CSMD1: variants seen among roughly 807,000 people sequenced by gnomAD.
The protein encoded by CSMD1 is CUB and Sushi multiple domains 1.
In CSMD1, 213 loss-of-function variants were observed where a neutral mutation model predicts 417.5. That is an observed-to-expected ratio of 0.51 (90% CI 0.46 to 0.57). The LOEUF is 0.57. Among genes scored for constraint, CSMD1 ranks in the 20% least tolerant of loss-of-function variants. The pLI is 0.00. For synonymous variants in CSMD1, 2,862 were observed against 1,736.8 expected (o/e 1.65, Z -16.11); for missense variants, 6,923 against 4,529.7 (o/e 1.53, Z -15.17).
At position 4,266,811 on chromosome 8, in the gene CSMD1, T is replaced by C. The variant is rs1274798073; in HGVS notation, c.415+153142A>G. 1.9e-5 allele frequency among the ~76,000 whole-genome samples: 2 copies of C among 104,254 alleles called. 1 individual carries two copies. The highest frequency in any genetic ancestry group is 1.8e-4 in the Admixed American group (2 of 10,974). 68.4% of individuals were successfully genotyped at this position (104,254 alleles called of 152,430 possible). A position where few individuals can be genotyped will look rare whatever the true frequency, so the allele number is the denominator to read the frequency against. ...TCTAGATGAAAACTTAAATAGTGGA[T>C]TGTGATGACTTTTCATTTACTGCAA... is the stretch of plus-strand genomic sequence containing the variant. On this transcript the variant is annotated intron_variant, in intron 3 of 69. Transcript: ENST00000635120.
chr8:4,022,850 A>G (rs1161681848), intron 4 of CSMD1, among the ~76,000 whole-genome samples: 2 of 152,254 alleles, frequency 1.3e-5, no homozygotes, highest in African/African-American at 4.8e-5. Context: ...AAGAGAGTTC[A>G]TTCGGAGCAA....
chr8:3,037,202 A>ACTTT (rs1554495471), intron 50 of CSMD1, among the ~76,000 whole-genome samples: 2 of 139,498 alleles, frequency 1.4e-5, no homozygotes, highest in Non-Finnish European at 3.3e-5. Context: ...TATATACCAC[A>ACTTT]CTTTCTTTTT....
chr8:3,765,421 C>G (rs1240421851), intron 5 of CSMD1, among the ~76,000 whole-genome samples: 1 of 152,172 alleles, frequency 6.6e-6, no homozygotes, highest in Non-Finnish European at 1.5e-5. Context: ...TCATAGGCTT[C>G]CCTGGAAGTT....
rs796514026 is a variant in CSMD1 at position 4,363,545 on chromosome 8, C to T, written c.415+56408G>A. ...AAGAAAGAAGAGCAATAACTCCCTCCCTACTACAGATTGTAGGAAACAGGA... is the reference window on the plus strand; with the variant it reads ...AAGAAAGAAGAGCAATAACTCCCTCTCTACTACAGATTGTAGGAAACAGGA... On this transcript the variant is annotated intron_variant, in intron 3 of 69. Coordinates refer to ENST00000635120, the MANE Select transcript of CSMD1 (RefSeq NM_033225.6). Among the ~76,000 whole-genome samples the T allele has an allele frequency of 2.6e-5, 4 of 152,260 alleles. No individual in the cohort carries two copies. In the South Asian group the frequency reaches 6.2e-4, roughly 24 times the overall value.
At chr8:4,692,721 T>C (rs190606589) in intron 1 of CSMD1, among the ~76,000 whole-genome samples, 1 of 152,314 alleles carries the variant, frequency 6.6e-6, no homozygotes, top group Admixed American at 6.5e-5. Flanking sequence ...AACCCCCCGA[T>C]AACGTGCAAA....
At chr8:4,806,284 C>G (rs61342521) in intron 1 of CSMD1, among the ~76,000 whole-genome samples, 2 of 152,238 alleles carry the variant, frequency 1.3e-5, no homozygotes, top group African/African-American at 4.8e-5. Context: ...TGACCCAAGT[C>G]CCGCTACACC....
Position 3,976,864 on chromosome 8 carries a change from G to A in CSMD1, c.818+21039C>T, listed in dbSNP as rs117180459. 1.8e-3 allele frequency among the ~76,000 whole-genome samples: 280 copies of A among 152,246 alleles called. 4 individuals carry two copies. The East Asian group carries it at 0.038, about 21-fold the overall frequency. ...CTGACCTCAACCACTGCACTGACCA[G>A]CACTAGCACTGAGATGTGTACCTTG... is the stretch of plus-strand genomic sequence containing the variant. On this transcript the variant is annotated intron_variant, in intron 5 of 69. Transcript: ENST00000635120.
chr8:4,488,614 C>T (rs181700051), intron 2 of CSMD1, among the ~76,000 whole-genome samples: 78 of 151,992 alleles, frequency 5.1e-4, no homozygotes, highest in African/African-American at 1.8e-3. Context: ...TTTAACACAT[C>T]CAATCTATAG....
At chr8:4,047,907 G>T (rs1407495856) in intron 3 of CSMD1, among the ~76,000 whole-genome samples, 1 of 152,082 alleles carries the variant, frequency 6.6e-6, no homozygotes, top group African/African-American at 2.4e-5. Flanking sequence ...TTGATTTTAT[G>T]TAGTATTATA....
intron 2 of CSMD1, among the ~76,000 whole-genome samples, chr8:4,510,518 A>C (rs1410740409): frequency 6.6e-6 from 1 of 150,914 alleles, no homozygotes; most frequent in African/African-American, 2.4e-5. Flanking sequence ...TCATGAACTT[A>C]GGTGAGTCTC....
intron 3 of CSMD1, among the ~76,000 whole-genome samples, chr8:4,131,397 C>T (rs1486883620): frequency 6.6e-6 from 1 of 152,112 alleles, no homozygotes; most frequent in African/African-American, 2.4e-5. Context: ...CTTAAGCCTT[C>T]CTTGAGCTAT....
intron 49 of CSMD1, among the ~76,000 whole-genome samples, chr8:3,070,043 G>C (rs997099940): frequency 1.3e-5 from 2 of 152,232 alleles, no homozygotes; most frequent in Non-Finnish European, 2.9e-5. Flanking sequence ...GTGATTCAAA[G>C]ATGGAGCCAG....
intron 3 of CSMD1, among the ~76,000 whole-genome samples, chr8:4,070,237 C>G (rs1042068384): frequency 6.6e-6 from 1 of 152,000 alleles, no homozygotes; most frequent in African/African-American, 2.4e-5. Flanking sequence ...GTATGCTTAT[C>G]ATATATATTA....
intron 5 of CSMD1, among the ~76,000 whole-genome samples, chr8:3,791,498 A>C (rs1177860383): frequency 6.6e-6 from 1 of 152,196 alleles, no homozygotes; most frequent in Non-Finnish European, 1.5e-5. Context: ...TTGAAAAGTC[A>C]TCTCTACAAC....
At chr8:4,217,744 G>A (rs1285267040) in intron 3 of CSMD1, among the ~76,000 whole-genome samples, 9 of 152,102 alleles carry the variant, frequency 5.9e-5, no homozygotes, top group African/African-American at 2.2e-4. Context: ...ACTCTACGGT[G>A]TTATAGGATA....
At chr8:3,600,771 C>T (rs1325841640) in intron 8 of CSMD1, among the ~76,000 whole-genome samples, 2 of 152,102 alleles carry the variant, frequency 1.3e-5, no homozygotes, top group African/African-American at 4.8e-5. Flanking sequence ...TCATAAATAG[C>T]AGTCATTGTT....
At chr8:4,761,244 C>G (rs1329132876) in intron 1 of CSMD1, among the ~76,000 whole-genome samples, 2 of 152,054 alleles carry the variant, frequency 1.3e-5, no homozygotes, top group East Asian at 3.9e-4. Flanking sequence ...ATGGAACATT[C>G]AAAGTGGGCT....
intron 6 of CSMD1, among the ~76,000 whole-genome samples, chr8:3,724,937 C>A (rs946879146): frequency 6.6e-6 from 1 of 152,166 alleles, no homozygotes; most frequent in African/African-American, 2.4e-5. Context: ...TGTACAAATT[C>A]TTTTTAAAAT....
chr8:4,898,770 G>C (rs1422690617), intron 1 of CSMD1, among the ~76,000 whole-genome samples: 1 of 152,064 alleles, frequency 6.6e-6, no homozygotes, highest in Non-Finnish European at 1.5e-5. Flanking sequence ...GTTGGAAGCG[G>C]GGGGAAGTGA....
Sources: gnomAD v4.1 joint callset for allele counts (sites outside exome capture counted in the v4.1 genomes callset) on GRCh38, gnomAD v4.1.1 for gene constraint, MANE v1.5 for transcripts, NCBI Gene and HGNC (gene_info 2026-07-23, HGNC 2026-07-21) for gene names.